CTNNA2: variants seen among roughly 807,000 people sequenced by gnomAD.
The protein encoded by CTNNA2 is catenin alpha-2.
Under a neutral mutation model 101.0 loss-of-function variants are expected in CTNNA2, and 42 were observed. That is an observed-to-expected ratio of 0.42 (90% confidence interval 0.32 to 0.54). The LOEUF (loss-of-function observed/expected upper bound fraction) is 0.54, where lower values mean the gene tolerates loss of function less well. CTNNA2 is among the 20% of genes least tolerant of loss of function. The pLI is 0.14. For missense variants in CTNNA2, 871 were observed against 1,223.1 expected, an observed-to-expected ratio of 0.71 and a Z score of 4.29; for synonymous variants, 450 against 456.4, an observed-to-expected ratio of 0.99 and a Z score of 0.18.
Position 80,303,078 on chromosome 2 carries a change from C to T in CTNNA2, c.1057-90133C>T. On this transcript the variant is annotated intron_variant, in intron 7 of 18. Coordinates refer to ENST00000402739, the MANE Select transcript of CTNNA2 (RefSeq NM_001282597.3). The surrounding 1 kb of genome is among the most constrained non-coding windows in gnomAD (Gnocchi z 7.7). ...CAAACCCAGTCCAGCGAGCTGACCA[C>T]AATGGCCACCTTGTTCCTCCGCAGG... 6.2e-7 allele frequency: 1 copy of T among 1,614,024 alleles called. No homozygotes were observed. Among genetic ancestry groups the T allele is most frequent in the Non-Finnish European group, 8.5e-7 (1 of 1,180,010 alleles).
At chr2:80,597,536 C>T (rs886689662) in intron 15 of CTNNA2, among the ~76,000 whole-genome samples, 1 of 152,230 alleles carries the variant, frequency 6.6e-6, no homozygotes, top group East Asian at 1.9e-4. Context: ...AGTGAACAGG[C>T]AACCTACAGA....
intron 2 of CTNNA2, among the ~76,000 whole-genome samples, chr2:79,664,293 G>A (rs1272889814): frequency 6.6e-6 from 1 of 152,058 alleles, no homozygotes; most frequent in Non-Finnish European, 1.5e-5. Context: ...CTTGTTGAAT[G>A]AAACCTTCAT....
intron 7 of CTNNA2, among the ~76,000 whole-genome samples, chr2:80,182,850 A>T (rs1178113241): frequency 6.6e-6 from 1 of 152,132 alleles, no homozygotes; most frequent in Non-Finnish European, 1.5e-5. Context: ...AGAAAATGAG[A>T]AAAACTTTAA....
chr2:80,202,661 G>A (rs1333346089), intron 7 of CTNNA2, among the ~76,000 whole-genome samples: 1 of 151,258 alleles, frequency 6.6e-6, no homozygotes, highest in African/African-American at 2.4e-5. Flanking sequence ...AATTAAAATA[G>A]CACAAAGCTC....
intron 7 of CTNNA2, among the ~76,000 whole-genome samples, chr2:80,259,998 T>C (rs1672477522): frequency 6.6e-6 from 1 of 152,222 alleles, no homozygotes; most frequent in Admixed American, 6.5e-5. Flanking sequence ...CTTAACTATG[T>C]TCCAGGTACT....
At chr2:80,525,174 G>C (rs1017253676) in intron 9 of CTNNA2, among the ~76,000 whole-genome samples, 1 of 151,718 alleles carries the variant, frequency 6.6e-6, no homozygotes, top group African/African-American at 2.4e-5. Flanking sequence ...TCCTGTTTGT[G>C]CTGGGGCAGG....
At chr2:79,729,711 C>T (rs1037224265) in intron 2 of CTNNA2, among the ~76,000 whole-genome samples, 1 of 151,962 alleles carries the variant, frequency 6.6e-6, no homozygotes, top group Non-Finnish European at 1.5e-5. Context: ...AAGCTTGAGG[C>T]CTCTAAGAAG....
At chr2:79,726,339 C>T (rs1001269487) in intron 2 of CTNNA2, among the ~76,000 whole-genome samples, 1 of 152,144 alleles carries the variant, frequency 6.6e-6, no homozygotes, top group Non-Finnish European at 1.5e-5. Context: ...TCCCCAACCC[C>T]GGGGTCATGG....
At chr2:79,224,691 A>T (rs1367660460) in intron 2 of CTNNA2, among the ~76,000 whole-genome samples, 3 of 152,022 alleles carry the variant, frequency 2.0e-5, no homozygotes, top group African/African-American at 7.2e-5. Flanking sequence ...CCTTGTCAAG[A>T]TACAGAATAT....
intron 3 of CTNNA2, among the ~76,000 whole-genome samples, chr2:79,837,014 G>A (rs756015404): frequency 1.3e-5 from 2 of 152,254 alleles, no homozygotes; most frequent in South Asian, 2.1e-4. Context: ...GGACGAATTC[G>A]TAAGTATTGG....
intron 9 of CTNNA2, among the ~76,000 whole-genome samples, chr2:80,445,512 A>C (rs1682997846): frequency 6.6e-6 from 1 of 152,160 alleles, no homozygotes; most frequent in African/African-American, 2.4e-5. Flanking sequence ...TTGCTGCTTT[A>C]AATTTATGTT....
intron 9 of CTNNA2, among the ~76,000 whole-genome samples, chr2:80,477,767 C>CA (rs1403468559): frequency 6.8e-6 from 1 of 147,660 alleles, no homozygotes; most frequent in African/African-American, 2.6e-5. Flanking sequence ...GTGTGTATCT[C>CA]ACATTTTCTT....
intron 3 of CTNNA2, among the ~76,000 whole-genome samples, chr2:79,353,877 C>T (rs1677447908): frequency 6.6e-6 from 1 of 152,102 alleles, no homozygotes; most frequent in Non-Finnish European, 1.5e-5. Context: ...CATGAATTCC[C>T]TTAGTGTTTG....
Position 79,306,689 on chromosome 2 carries a change from C to T in CTNNA2, c.-405-6020C>T, listed in dbSNP as rs1382818886. 2.0e-5 allele frequency among the ~76,000 whole-genome samples: 3 copies of T among 152,274 alleles called. No individual in the cohort carries two copies. The East Asian group carries it at 5.8e-4, about 29-fold the overall frequency. On this transcript the variant is annotated intron_variant, in intron 2 of 21. Transcript: ENST00000466387. ...TTCCATATCTAGTATTTGAAATGTG[C>T]ATATTTAATTTTATTACATACTTCC...
At chr2:79,644,204 A>T (rs1253671212) in intron 1 of CTNNA2, among the ~76,000 whole-genome samples, 2 of 151,780 alleles carry the variant, frequency 1.3e-5, no homozygotes, top group African/African-American at 2.4e-5. Context: ...CACCTAGCTA[A>T]TTTTTTTGTA....
At chr2:80,347,272 C>T (rs866794910) in intron 7 of CTNNA2, among the ~76,000 whole-genome samples, 1 of 152,220 alleles carries the variant, frequency 6.6e-6, no homozygotes, top group Non-Finnish European at 1.5e-5. Flanking sequence ...CATGTGAACA[C>T]TTGGTCACTT....
At chr2:80,516,997 C>A (rs1689160316) in intron 9 of CTNNA2, among the ~76,000 whole-genome samples, 1 of 152,142 alleles carries the variant, frequency 6.6e-6, no homozygotes, top group Non-Finnish European at 1.5e-5. Flanking sequence ...CAATTGCTTT[C>A]TCTCACCCCA....
intron 7 of CTNNA2, among the ~76,000 whole-genome samples, chr2:80,262,932 AACAATATT>A (rs1672724914): frequency 1.3e-5 from 2 of 151,840 alleles, no homozygotes; most frequent in African/African-American, 4.8e-5. Context: ...TAATAAAAAC[AACAATATT>A]GACAAAAATA....
chr2:80,160,279 C>T (rs1704229945), intron 7 of CTNNA2, among the ~76,000 whole-genome samples: 1 of 152,148 alleles, frequency 6.6e-6, no homozygotes, highest in Non-Finnish European at 1.5e-5. Flanking sequence ...GTTTCAGTAT[C>T]CTAGTTCCTT....
Sources: allele counts gnomAD v4.1 joint callset (sites outside exome capture counted in the v4.1 genomes callset), GRCh38; gene constraint gnomAD v4.1.1; non-coding constraint Gnocchi (gnomAD v3.1); transcripts MANE v1.5; gene names NCBI Gene and HGNC (gene_info 2026-07-23, HGNC 2026-07-21).